DNMT1: variants seen among roughly 807,000 people sequenced by gnomAD.
DNMT1 encodes the protein DNA methyltransferase 1.
In DNMT1, 24 loss-of-function variants were observed where a neutral mutation model predicts 205.3. The observed-to-expected ratio is 0.12, with a 90% CI of 0.08 to 0.16. The LOEUF (loss-of-function observed/expected upper bound fraction) is 0.16. Among genes scored for constraint, DNMT1 ranks in the 10% least tolerant of loss-of-function variants. The pLI is 1.00. For missense variants in DNMT1, 1,293 were observed against 2,177.7 expected (o/e 0.59, Z 8.09); for synonymous variants, 817 against 839.8 (o/e 0.97, Z 0.47).
At chr19:10,161,744 C>T (rs2038574884) in intron 13 of DNMT1, among the ~76,000 whole-genome samples, 2 of 152,166 alleles carry the variant, frequency 1.3e-5, no homozygotes, top group South Asian at 4.1e-4. Flanking sequence ...GACTAACCTG[C>T]TATGTGACTG....
In DNMT1 at chr19:10,137,427, C is replaced by T; in HGVS notation, c.4294-147G>A. ...GAAAGAGACAGTCAGGGATATCGCA[C>T]TTGGCTCGAGGCCACGGCAGGGACC... On this transcript the variant is annotated intron_variant, in intron 36 of 40. Coordinates refer to ENST00000359526, the MANE Select transcript of DNMT1 (RefSeq NM_001130823.3). This position sits in a 1 kb window ranked among gnomAD's most constrained non-coding sequence, Gnocchi z 6.4. The T allele has an allele frequency of 3.8e-6, 4 of 1,061,894 alleles. No homozygotes were observed. In the South Asian group the frequency reaches 6.1e-5, roughly 16 times the overall value. 65.8% of individuals were successfully genotyped at this position (1,061,894 alleles called of 1,614,324 possible).
Position 10,159,595 on chromosome 19 carries a change from G to A in DNMT1, c.1280+63C>T, listed in dbSNP as rs1030220767. ...AAAACATCACCAGAATCGTGAGCCC[G>A]CAGGCACCTCTGGGGATGTGCCTCC... is the stretch of plus-strand genomic sequence containing the variant. On this transcript the variant is annotated intron_variant, in intron 17 of 40. Transcript: ENST00000359526. The surrounding 1 kb of genome is among the most constrained non-coding windows in gnomAD (Gnocchi z 5.0). 74 of 1,524,002 alleles carry A rather than the reference G, an allele frequency of 4.9e-5. No homozygotes were observed. Among genetic ancestry groups the A allele is most frequent in the South Asian group, 4.1e-4 (36 of 88,836 alleles). 94.4% of individuals were successfully genotyped at this position (1,524,002 alleles called of 1,614,324 possible). A position where few individuals can be genotyped will look rare whatever the true frequency, so the allele number is the denominator to read the frequency against.
At chr19:10,173,492 A>G (rs369546388) in intron 8 of DNMT1, among the ~76,000 whole-genome samples, 7 of 150,036 alleles carry the variant, frequency 4.7e-5, no homozygotes, top group African/African-American at 1.5e-4. Context: ...TTCTTTTTAA[A>G]CTTTTTTTTT....
At chr19:10,148,299 A>G (rs1045939120) in intron 27 of DNMT1, among the ~76,000 whole-genome samples, 8 of 151,212 alleles carry the variant, frequency 5.3e-5, no homozygotes, top group East Asian at 1.9e-4. Context: ...GATCGAGACC[A>G]TCCTGGCTAA....
chr19:10,168,109 C>A (rs2038732417), intron 10 of DNMT1, among the ~76,000 whole-genome samples: 1 of 151,892 alleles, frequency 6.6e-6, no homozygotes, highest in Non-Finnish European at 1.5e-5. Context: ...GGTGACACAG[C>A]AAGACTCCGT....
At chr19:10,178,160 G>C (rs563144848) in intron 5 of DNMT1, among the ~76,000 whole-genome samples, 1 of 151,108 alleles carries the variant, frequency 6.6e-6, no homozygotes, top group Non-Finnish European at 1.5e-5. Context: ...AGGAGGCTGA[G>C]GCAAAAAAAT....
At chr19:10,139,170 GA>G (rs780127330) in intron 34 of DNMT1, among the ~76,000 whole-genome samples, 5 of 152,242 alleles carry the variant, frequency 3.3e-5, no homozygotes, top group Non-Finnish European at 7.3e-5. Flanking sequence ...GGGCCCCACA[GA>G]CTATGTCCAT....
rs766676690 is a variant in DNMT1, at chr19:10,194,930, A to G, written c.-31T>C. On this transcript the variant is annotated 5_prime_UTR_variant, in exon 1 of 41. Coordinates refer to ENST00000359526, the MANE Select transcript of DNMT1 (RefSeq NM_001130823.3). The stretch of plus-strand genomic sequence containing the variant: ...AGGCTTCAGCAGACGCGGCGGCGGC[A>G]GCGCAGGCGCCCCGGCTTTTCGCGC... 1.9e-6 allele frequency: 3 copies of G among 1,589,560 alleles called. No individual in the cohort carries two copies. In the South Asian group the frequency reaches 3.4e-5, roughly 18 times the overall value.
At position 10,180,341 on chromosome 19, in the gene DNMT1, T is replaced by C. The variant is rs2039021009; in HGVS notation, c.445+9A>G. On this transcript the variant is annotated intron_variant, in intron 4 of 40. Coordinates refer to ENST00000359526, the MANE Select transcript of DNMT1 (RefSeq NM_001130823.3). Reference sequence around the variant, plus strand: ...ACAATTAAAAATAAAAGGAATCATCTGCTCTTACGCTTAGCCTCTCCATCG... The same window carrying C: ...ACAATTAAAAATAAAAGGAATCATCCGCTCTTACGCTTAGCCTCTCCATCG... The C allele has an allele frequency of 1.9e-6, 3 of 1,609,684 alleles. No individual in the cohort carries two copies. The highest frequency in any genetic ancestry group is 2.5e-6 in the Non-Finnish European group (3 of 1,179,994).
In DNMT1 at chr19:10,156,630, G is replaced by A. The variant is rs571567391; in HGVS notation, c.1281-121C>T. The A allele has an allele frequency of 9.9e-5, 75 of 760,278 alleles. No homozygotes were observed. The highest frequency in any genetic ancestry group is 1.6e-4 in the Non-Finnish European group (70 of 434,922). 47.1% of individuals were successfully genotyped at this position (760,278 alleles called of 1,614,324 possible). ...CAAGTCTGACACTCTTTTTTTGTTT[G>A]TTTTTGAGACAGAGTCTTGCTCTAT... On this transcript the variant is annotated intron_variant, in intron 17 of 40. Coordinates refer to ENST00000359526, the MANE Select transcript of DNMT1 (RefSeq NM_001130823.3). The surrounding 1 kb of genome is among the most constrained non-coding windows in gnomAD (Gnocchi z 4.2).
rs535161745 is a variant in DNMT1 at position 10,164,913 on chromosome 19, T to TAAAAAAAAAAAAAAAAAAAAAA, written c.892-1575_892-1554dup. 1.2e-4 allele frequency among the ~76,000 whole-genome samples: 4 copies of TAAAAAAAAAAAAAAAAAAAAAA among 34,046 alleles called. 1 individual carries two copies. Among genetic ancestry groups the TAAAAAAAAAAAAAAAAAAAAAA allele is most frequent in the Non-Finnish European group, 1.9e-4 (4 of 20,930 alleles). The allele number at this position is 34,046 out of a possible 152,430, so 22.3% of individuals were successfully genotyped here. On this transcript the variant is annotated intron_variant, in intron 11 of 40. Coordinates refer to ENST00000359526, the MANE Select transcript of DNMT1 (RefSeq NM_001130823.3). ...ATTGCATGACAGAGAGAGACTATCTTAAAAAAAAAAAAAAAAAAAAAAAAA... is the reference window on the plus strand; with the variant it reads ...ATTGCATGACAGAGAGAGACTATCTTAAAAAAAAAAAAAAAAAAAAAAAAAAAAAAAAAAAAAAAAAAAAAAA...
chr19:10,167,400 T>C (rs887616714), intron 10 of DNMT1, among the ~76,000 whole-genome samples: 1 of 152,126 alleles, frequency 6.6e-6, no homozygotes, highest in Non-Finnish European at 1.5e-5. Flanking sequence ...TTTCACCATG[T>C]TGGCCAGGCT....
chr19:10,175,791 G>A (rs1450519662), intron 6 of DNMT1, among the ~76,000 whole-genome samples, 173 bp from the exon 7 acceptor site: 1 of 152,142 alleles, frequency 6.6e-6, no homozygotes, highest in Non-Finnish European at 1.5e-5. Flanking sequence ...GAAATCACGG[G>A]TCTAAACACC....
intron 1 of DNMT1, among the ~76,000 whole-genome samples, chr19:10,185,011 C>A (rs1311555963): frequency 6.6e-6 from 1 of 152,258 alleles, no homozygotes. Flanking sequence ...GATTCCCCAC[C>A]AGCGCCGCTC....
rs1307537239 is a variant in DNMT1, at chr19:10,151,783, C to G, written c.2084G>C (p.Ser695Thr). The stretch of plus-strand genomic sequence containing the variant: ...TTGGCAAGCCTGCTTGCTCCGTCCA[C>G]TGCCACCAAATTTAACCATGTCCTT... ...ACKDMVKFGG[S>T]GRSKQACQER... is the part of the protein sequence containing the mutation. Residue 695 changes from serine (S) to threonine (T), a missense_variant, in exon 23 of 41, where the codon AGT becomes ACT. Ser to Thr is a moderately conservative substitution (Grantham distance 58, BLOSUM62 1). Transcript: ENST00000359526. The surrounding 1 kb of genome is among the most constrained non-coding windows in gnomAD (Gnocchi z 5.0). The G allele has an allele frequency of 1.2e-6, 2 of 1,614,088 alleles. No individual in the cohort carries two copies. Among genetic ancestry groups the G allele is most frequent in the Non-Finnish European group, 8.5e-7 (1 of 1,180,048 alleles).
chr19:10,166,833 G>A (rs1372975151), intron 10 of DNMT1, 148 bp from the exon 11 acceptor site: 2 of 794,358 alleles, frequency 2.5e-6, no homozygotes, highest in East Asian at 2.7e-5. Flanking sequence ...AAGCCCAGAG[G>A]GCATTTACTA....
intron 1 of DNMT1, among the ~76,000 whole-genome samples, chr19:10,191,331 T>C (rs957753692): frequency 6.6e-6 from 1 of 151,524 alleles, no homozygotes; most frequent in Non-Finnish European, 1.5e-5. Context: ...GATACCATGT[T>C]TATTTTTCAT....
chr19:10,175,608 G>A lies in DNMT1; in HGVS notation c.580C>T (p.Arg194Trp), dbSNP rs900075322. The change falls in exon 7 of 41, where the codon CGG becomes TGG. Residue 194 changes from arginine to tryptophan, a missense_variant. By Grantham distance (101) the Arg-to-Trp change is moderately radical. Around this residue, in one of 13 missense-constraint regions of DNMT1, gnomAD observed 394 missense variants for 451.6 expected, o/e 0.87. Transcript: ENST00000359526. ...CTTTCAGACTCTTCCTGAGGTTTCCGTTTGGCAGGGCTGTCACACACAGTG... is the reference window on the plus strand; with the variant it reads ...CTTTCAGACTCTTCCTGAGGTTTCCATTTGGCAGGGCTGTCACACACAGTG... The part of the protein sequence containing the change: ...TSHFAKGPAK[R>W]KPQEESERAK... 1.2e-6 allele frequency: 2 copies of A among 1,613,916 alleles called. No homozygotes were observed. Among genetic ancestry groups the A allele is most frequent in the Non-Finnish European group, 1.7e-6 (2 of 1,179,970 alleles).
intron 19 of DNMT1, among the ~76,000 whole-genome samples, chr19:10,155,451 C>T (rs1030718406): frequency 6.6e-6 from 1 of 152,038 alleles, no homozygotes; most frequent in Non-Finnish European, 1.5e-5. Context: ...GATTCTCCTG[C>T]CATAGCCTCC....
Sources: gnomAD v4.1 joint callset for allele counts (sites outside exome capture counted in the v4.1 genomes callset) on GRCh38, gnomAD v4.1.1 for gene constraint, gnomAD v4.1.1 regional missense constraint, Gnocchi (gnomAD v3.1) non-coding constraint, MANE v1.5 for transcripts, NCBI Gene and HGNC (gene_info 2026-07-23, HGNC 2026-07-21) for gene names.